The following ASAP1 variants were observed in gnomAD, a reference collection of about 807,000 sequenced individuals.
The protein encoded by ASAP1 is ArfGAP with SH3 domain, ankyrin repeat and PH domain 1, also known as arf-GAP with SH3 domain, ANK repeat and PH domain-containing protein 1.
In ASAP1, 43 loss-of-function variants were observed where a neutral mutation model predicts 145.2. The ratio of observed to expected loss-of-function variants is 0.30; its 90% confidence interval spans 0.23 to 0.38. ASAP1 has a LOEUF of 0.38. ASAP1 is among the 10% of genes least tolerant of loss of function. The pLI is 1.00. For missense variants in ASAP1, 1,018 were observed against 1,355.3 expected, an observed-to-expected ratio of 0.75 and a Z score of 3.91; for synonymous variants, 546 against 515.5, an observed-to-expected ratio of 1.06 and a Z score of -0.80.
chr8:130,111,928 T>C (rs1348039376), intron 24 of ASAP1, among the ~76,000 whole-genome samples, 166 bp downstream of exon 24: 1 of 152,192 alleles, frequency 6.6e-6, no homozygotes, highest in East Asian at 1.9e-4. Flanking sequence ...TCTTGGTACC[T>C]GGCAAATGGC....
intron 3 of ASAP1, among the ~76,000 whole-genome samples, chr8:130,252,344 T>A (rs765471682): frequency 6.6e-6 from 1 of 152,182 alleles, no homozygotes; most frequent in Non-Finnish European, 1.5e-5. Context: ...CTGTGCTATG[T>A]TGTAATTAAG....
intron 1 of ASAP1, among the ~76,000 whole-genome samples, chr8:130,413,381 C>T (rs926845030): frequency 2.0e-5 from 3 of 152,188 alleles, no homozygotes; most frequent in African/African-American, 7.2e-5. Context: ...ACCGTATTTC[C>T]TCCATTTTAT....
chr8:130,166,650 T>C (rs1313752709), intron 11 of ASAP1, among the ~76,000 whole-genome samples: 1 of 152,136 alleles, frequency 6.6e-6, no homozygotes, highest in Non-Finnish European at 1.5e-5. Context: ...GACTAGATAA[T>C]GAGCTACTAG....
intron 27 of ASAP1, among the ~76,000 whole-genome samples, chr8:130,076,070 A>G (rs554398329): frequency 6.6e-6 from 1 of 152,366 alleles, no homozygotes; most frequent in South Asian, 2.1e-4. Flanking sequence ...GATTATGTTT[A>G]TAAGGGGAGA....
At chr8:130,370,897 G>C (rs1827183146) in intron 2 of ASAP1, among the ~76,000 whole-genome samples, 1 of 152,176 alleles carries the variant, frequency 6.6e-6, no homozygotes, top group South Asian at 2.1e-4. Flanking sequence ...TGGGGGAAGT[G>C]GTAATGTGCA....
intron 1 of ASAP1, among the ~76,000 whole-genome samples, chr8:130,406,542 C>G (rs1169462935): frequency 6.7e-6 from 1 of 150,160 alleles, no homozygotes; most frequent in East Asian, 2.0e-4. Context: ...AGTGCAGTGG[C>G]GCGATCTCTG....
rs753003593 is a variant in ASAP1 at position 130,352,793 on chromosome 8, T to C, written c.186+5224A>G. 6.6e-4 allele frequency among the ~76,000 whole-genome samples: 101 copies of C among 152,326 alleles called. No homozygotes were observed. The Middle Eastern group carries it at 0.014, about 21-fold the overall frequency. On this transcript the variant is annotated intron_variant, in intron 3 of 29. Transcript: ENST00000518721. ...GCATGTAGTAGGAATGTTACTGTTA[T>C]GAGATAGAGCTTGATACTGAATCTA...
chr8:130,359,531 G>A (rs376524339), intron 2 of ASAP1, among the ~76,000 whole-genome samples: 14 of 152,166 alleles, frequency 9.2e-5, no homozygotes, highest in African/African-American at 3.1e-4. Flanking sequence ...ATAGCCTTAG[G>A]ATGGAAGGCT....
At chr8:130,078,084 G>A (rs2097468300) in intron 26 of ASAP1, among the ~76,000 whole-genome samples, 1 of 151,622 alleles carries the variant, frequency 6.6e-6, no homozygotes, top group Non-Finnish European at 1.5e-5. Context: ...CCACTTCCCA[G>A]GTTCAAGTGA....
At chr8:130,355,171 G>A (rs796614040) in intron 3 of ASAP1, among the ~76,000 whole-genome samples, 23 of 152,198 alleles carry the variant, frequency 1.5e-4, no homozygotes, top group African/African-American at 4.1e-4. Flanking sequence ...GACCCACCAC[G>A]CCCAGCCTTC....
At chr8:130,321,502 T>C (rs1407050991) in intron 3 of ASAP1, among the ~76,000 whole-genome samples, 2 of 152,122 alleles carry the variant, frequency 1.3e-5, no homozygotes, top group South Asian at 4.1e-4. Flanking sequence ...AGGAGAGAGA[T>C]GTACTTACTA....
intron 11 of ASAP1, among the ~76,000 whole-genome samples, chr8:130,161,396 G>A (rs1236746785): frequency 6.6e-6 from 1 of 152,158 alleles, no homozygotes. Context: ...GTTCAGTGAT[G>A]CAAAATTAAT....
At chr8:130,182,391 T>C (rs1194770948) in intron 7 of ASAP1, among the ~76,000 whole-genome samples, 1 of 152,184 alleles carries the variant, frequency 6.6e-6, no homozygotes, top group African/African-American at 2.4e-5. Context: ...CCTCAAACTA[T>C]AGGGTTCTCT....
chr8:130,118,425 T>C (rs985720566), intron 19 of ASAP1, 64 bp downstream of exon 19: 2 of 1,510,358 alleles, frequency 1.3e-6, no homozygotes, highest in African/African-American at 2.8e-5. Context: ...AATGTTAAAA[T>C]AAGTCACCTT....
At chr8:130,248,926 T>C (rs1819024319) in intron 3 of ASAP1, among the ~76,000 whole-genome samples, 1 of 152,154 alleles carries the variant, frequency 6.6e-6, no homozygotes, top group Non-Finnish European at 1.5e-5. Context: ...AGCATTTCTT[T>C]TTTGTTGCTT....
intron 3 of ASAP1, among the ~76,000 whole-genome samples, chr8:130,293,264 A>T (rs1303338518): frequency 6.6e-6 from 1 of 152,182 alleles, no homozygotes; most frequent in Non-Finnish European, 1.5e-5. Flanking sequence ...GGTCATACTG[A>T]TGCTGCTGGT....
chr8:130,393,137 AC>A (rs1828364242), intron 2 of ASAP1, among the ~76,000 whole-genome samples: 1 of 152,000 alleles, frequency 6.6e-6, no homozygotes, highest in Non-Finnish European at 1.5e-5. Flanking sequence ...TTGTTAACCC[AC>A]TGCTCATTGT....
chr8:130,151,357 C>G (rs899340711), intron 13 of ASAP1, among the ~76,000 whole-genome samples: 1 of 101,526 alleles, frequency 9.8e-6, no homozygotes, highest in Middle Eastern at 9.1e-3. Flanking sequence ...GGTGAAAGAG[C>G]GAGACTCAGT....
At position 130,179,314 on chromosome 8, in the gene ASAP1, C is replaced by T. The variant is rs144509345; in HGVS notation, c.696G>A (p.Lys232=). ...LIKVNEIKTK[K]GVDLLQNLIK... is the part of the protein sequence containing the mutation. ...TAAGATTCTGCAGCAGATCCACACC[C>T]TTTTTGGTCTTGATTTCATTAACTT... Residue 232 remains lysine (K), a synonymous_variant, in exon 9 of 30, where the codon AAG becomes AAA. Transcript: ENST00000518721. The T allele has an allele frequency of 6.1e-5, 98 of 1,610,092 alleles. 1 individual carries two copies. The African/African-American group carries it at 1.1e-3, about 18-fold the overall frequency.
Sources: allele counts gnomAD v4.1 joint callset (sites outside exome capture counted in the v4.1 genomes callset), GRCh38; gene constraint gnomAD v4.1.1; transcripts MANE v1.5; gene names NCBI Gene and HGNC (gene_info 2026-07-23, HGNC 2026-07-21).